Variants in ASXL3 observed in about 807,000 individuals in gnomAD.
The protein encoded by ASXL3 is putative Polycomb group protein ASXL3.
A neutral mutation model predicts 170.6 loss-of-function variants in ASXL3; 34 were observed. The observed-to-expected ratio is 0.20, with a 90% confidence interval of 0.15 to 0.27. The LOEUF (loss-of-function observed/expected upper bound fraction) is 0.27, where lower values mean the gene tolerates loss of function less well. Among genes scored for constraint, ASXL3 ranks in the 10% least tolerant of loss-of-function variants. The pLI is 1.00. For missense variants in ASXL3, 2,592 were observed against 2,695.3 expected (o/e 0.96, Z 0.85); for synonymous variants, 1,002 against 989.1 (o/e 1.01, Z -0.24).
At chr18:33,655,374 T>C (rs2066066957) in intron 4 of ASXL3, among the ~76,000 whole-genome samples, 1 of 152,062 alleles carries the variant, frequency 6.6e-6, no homozygotes, top group African/African-American at 2.4e-5. Flanking sequence ...TTCTAAACGT[T>C]ATAAAGAGAA....
chr18:33,729,938 A>G (rs1184136937), intron 8 of ASXL3, among the ~76,000 whole-genome samples: 4 of 152,046 alleles, frequency 2.6e-5, no homozygotes, highest in East Asian at 1.9e-4. Flanking sequence ...CTATTGCAGC[A>G]GTCTTATTTC....
At chr18:33,702,409 G>C (rs991140300) in intron 8 of ASXL3, among the ~76,000 whole-genome samples, 1 of 152,044 alleles carries the variant, frequency 6.6e-6, no homozygotes, top group African/African-American at 2.4e-5. Context: ...AACTTGGTTA[G>C]AGATTTGAGT....
At position 33,578,671 on chromosome 18, in the gene ASXL3, G is replaced by C; in HGVS notation, c.40G>C (p.Glu14Gln). Reference protein sequence around the residue: ...KRKKKDRTWAEAARLALEKHP... With the variant: ...KRKKKDRTWAQAARLALEKHP... ...GAAGAAGAAGGACCGCACCTGGGCC[G>C]AGGCTGCCCGCCTGGTACGTACCGC... Residue 14 changes from glutamate (E) to glutamine (Q), a missense_variant, in exon 1 of 12, where the codon GAG (glutamate) becomes CAG (glutamine). Physicochemically the swap from Glu to Gln is conservative, Grantham distance 29. Coordinates refer to ENST00000269197, the MANE Select transcript of ASXL3 (RefSeq NM_030632.3). 7.4e-7 allele frequency: 1 copy of C among 1,347,104 alleles called. No individual in the cohort carries two copies. The highest frequency in any genetic ancestry group is 9.8e-7 in the Non-Finnish European group (1 of 1,024,536). 83.4% of individuals were successfully genotyped at this position (1,347,104 alleles called of 1,614,324 possible).
chr18:33,737,750 CA>C (rs1451868653), intron 10 of ASXL3, among the ~76,000 whole-genome samples: 5 of 151,938 alleles, frequency 3.3e-5, no homozygotes, highest in African/African-American at 1.2e-4. Flanking sequence ...AGTTAGATGC[CA>C]AAATAAGGTG....
At chr18:33,606,186 A>G (rs2065246524) in intron 1 of ASXL3, among the ~76,000 whole-genome samples, 1 of 151,618 alleles carries the variant, frequency 6.6e-6, no homozygotes, top group Non-Finnish European at 1.5e-5. Context: ...AACTTTGCCT[A>G]TGTTTCTGTT....
At chr18:33,649,970 T>G (rs1053750890) in intron 4 of ASXL3, among the ~76,000 whole-genome samples, 1 of 152,076 alleles carries the variant, frequency 6.6e-6, no homozygotes, top group Admixed American at 6.6e-5. Flanking sequence ...GTTGCCTGGA[T>G]GAGGTGGCAT....
At chr18:33,692,528 C>A (rs2066703040) in intron 8 of ASXL3, among the ~76,000 whole-genome samples, 1 of 152,200 alleles carries the variant, frequency 6.6e-6, no homozygotes, top group Non-Finnish European at 1.5e-5. Flanking sequence ...CTCACAAAAG[C>A]TTTTCTTGCC....
intron 2 of ASXL3, among the ~76,000 whole-genome samples, chr18:33,638,244 G>T (rs1028917989): frequency 6.6e-6 from 1 of 151,004 alleles, no homozygotes; most frequent in Admixed American, 6.6e-5. Context: ...ATATATATTT[G>T]TAGAGATAAG....
Position 33,589,844 on chromosome 18 carries a change from G to A in ASXL3, c.54+11159G>A, listed in dbSNP as rs9956488. On this transcript the variant is annotated intron_variant, in intron 1 of 11. Coordinates refer to ENST00000269197, the MANE Select transcript of ASXL3 (RefSeq NM_030632.3). The stretch of plus-strand genomic sequence containing the variant: ...ATGATTGGGTACTTATGTGCTTCAT[G>A]CTGAACTAAACTTGTTATATGCATT... Among the ~76,000 whole-genome samples, 188 of 152,216 alleles carry A rather than the reference G, an allele frequency of 1.2e-3. 1 individual carries two copies. Among genetic ancestry groups the A allele is most frequent in the African/African-American group, 4.3e-3 (180 of 41,526 alleles).
At chr18:33,661,557 AC>A (rs1326515764) in intron 4 of ASXL3, 58 bp from the exon 5 acceptor site, 2 of 1,499,298 alleles carry the variant, frequency 1.3e-6, no homozygotes, top group Non-Finnish European at 9.1e-7. Context: ...GTGTGTAATT[AC>A]AGTGGATATA....
rs566290351 is a variant in ASXL3, at chr18:33,585,924, C to A, written c.54+7239C>A. On this transcript the variant is annotated intron_variant, in intron 1 of 11. Transcript: ENST00000269197. Reference sequence around the variant, plus strand: ...ATTATGATTTTTTAAAACAATTGCACAATTGGTATTTTTGGCAAGTACACG... The same window carrying A: ...ATTATGATTTTTTAAAACAATTGCAAAATTGGTATTTTTGGCAAGTACACG... Among the ~76,000 whole-genome samples the A allele has an allele frequency of 7.9e-5, 12 of 152,148 alleles. No homozygotes were observed. In the South Asian group the frequency reaches 2.5e-3, roughly 32 times the overall value.
chr18:33,676,039 A>ATG (rs1288572566), intron 7 of ASXL3, among the ~76,000 whole-genome samples: 1 of 151,742 alleles, frequency 6.6e-6, no homozygotes, highest in Admixed American at 6.6e-5. Context: ...CCTGGCTAAC[A>ATG]CAGTGAAACC....
At chr18:33,726,403 A>G (rs529485909) in intron 8 of ASXL3, among the ~76,000 whole-genome samples, 12 of 152,132 alleles carry the variant, frequency 7.9e-5, no homozygotes, top group Non-Finnish European at 1.8e-4. Flanking sequence ...TATGCTGTCT[A>G]GTACAATAGC....
At chr18:33,688,746 A>T (rs62092394) in intron 8 of ASXL3, among the ~76,000 whole-genome samples, 5,325 of 152,282 alleles carry the variant, frequency 0.035, 148 homozygotes, top group Non-Finnish European at 0.049. Context: ...GAGACTAAGT[A>T]AGGTATCTTT....
At position 33,738,544 on chromosome 18, in the gene ASXL3, A is replaced by T; in HGVS notation, c.1140A>T (p.Gly380=). 3 of 1,613,764 alleles carry T rather than the reference A, an allele frequency of 1.9e-6. No individual in the cohort carries two copies. Among genetic ancestry groups the T allele is most frequent in the Non-Finnish European group, 2.5e-6 (3 of 1,179,822 alleles). Residue 380 remains glycine (G), a synonymous_variant, in exon 11 of 12, where the codon GGA becomes GGT. Coordinates refer to ENST00000269197, the MANE Select transcript of ASXL3 (RefSeq NM_030632.3). ...TCACTACTGGACCAAACAACGCTGG[A>T]GCTCAAAGTAGTTCTTCATGTGGGA... ...VKLTTGPNNA[G]AQSSSSCGTS...
chr18:33,728,322 A>G (rs76055690), intron 8 of ASXL3, among the ~76,000 whole-genome samples: 2 of 152,306 alleles, frequency 1.3e-5, no homozygotes, highest in East Asian at 3.9e-4. Flanking sequence ...CACAATGAGT[A>G]ACTCTTTCTA....
At position 33,746,483 on chromosome 18, in the gene ASXL3, A is replaced by T; in HGVS notation, c.6635A>T (p.Lys2212Ile). The change falls in exon 12 of 12, where the codon AAA becomes ATA. Residue 2212 changes from lysine (K) to isoleucine (I), a missense_variant. Around this residue, in one of 4 missense-constraint regions of ASXL3, gnomAD observed 22 missense variants for 51.1 expected, o/e 0.43. Transcript: ENST00000269197. ...AGCAATGCAGATGAATTGGAACTGA[A>T]ATGCTCTTGCCGGCTGAAAGCCATG... is the stretch of plus-strand genomic sequence containing the variant. ...DSSNADELEL[K>I]CSCRLKAMIV... The T allele has an allele frequency of 6.2e-7, 1 of 1,614,060 alleles. No individual in the cohort carries two copies. Among genetic ancestry groups the T allele is most frequent in the South Asian group, 1.1e-5 (1 of 91,086 alleles).
At chr18:33,691,906 A>T (rs190771348) in intron 8 of ASXL3, among the ~76,000 whole-genome samples, 82 of 152,322 alleles carry the variant, frequency 5.4e-4, no homozygotes, top group African/African-American at 1.9e-3. Context: ...TACATATATT[A>T]TCAGCAATTC....
chr18:33,713,877 G>A (rs1442426389), intron 8 of ASXL3, among the ~76,000 whole-genome samples: 1 of 152,180 alleles, frequency 6.6e-6, no homozygotes, highest in East Asian at 1.9e-4. Context: ...CCAAAATTCA[G>A]GTTAGGTACA....
Sources: allele counts gnomAD v4.1 joint callset (sites outside exome capture counted in the v4.1 genomes callset), GRCh38; gene constraint gnomAD v4.1.1; regional missense constraint gnomAD v4.1.1; transcripts MANE v1.5; gene names NCBI Gene and HGNC (gene_info 2026-07-23, HGNC 2026-07-21).